Variants in STAG1 observed in about 807,000 individuals in gnomAD.
The protein encoded by STAG1 is STAG1 cohesin complex component, also known as cohesin subunit SA-1.
A neutral mutation model predicts 170.9 loss-of-function variants in STAG1; 26 were observed. The ratio of observed to expected loss-of-function variants is 0.15; its 90% CI spans 0.11 to 0.21. The LOEUF is 0.21. Ranked by LOEUF, STAG1 falls within the 10% of genes least tolerant of loss-of-function variation. The pLI is 1.00. For synonymous variants in STAG1, 514 were observed against 497.7 expected (o/e 1.03, Z -0.44); for missense variants, 964 against 1,509.5 (o/e 0.64, Z 5.99).
At chr3:136,644,935 G>A (rs1169968552) in intron 1 of STAG1, among the ~76,000 whole-genome samples, 2 of 151,922 alleles carry the variant, frequency 1.3e-5, no homozygotes, top group African/African-American at 2.4e-5. Flanking sequence ...TCGCCATATT[G>A]CCCAGGCTGG....
At chr3:136,532,032 G>A (rs1368200121) in intron 6 of STAG1, among the ~76,000 whole-genome samples, 1 of 149,582 alleles carries the variant, frequency 6.7e-6, no homozygotes, top group Non-Finnish European at 1.5e-5. Flanking sequence ...ATACAGATCA[G>A]ACCAAAAATA....
At chr3:136,459,257 A>G (rs1021523975) in intron 13 of STAG1, among the ~76,000 whole-genome samples, 1 of 151,952 alleles carries the variant, frequency 6.6e-6, no homozygotes, top group African/African-American at 2.4e-5. Flanking sequence ...GAAAAGAAAA[A>G]AAGACAAAGA....
intron 5 of STAG1, among the ~76,000 whole-genome samples, chr3:136,564,049 C>T (rs1482944909): frequency 6.6e-6 from 1 of 151,924 alleles, no homozygotes; most frequent in Non-Finnish European, 1.5e-5. Flanking sequence ...AAAATCCCTA[C>T]TTCCATTCAC....
At chr3:136,413,552 A>C (rs1243104402) in intron 21 of STAG1, among the ~76,000 whole-genome samples, 1 of 151,886 alleles carries the variant, frequency 6.6e-6, no homozygotes, top group Non-Finnish European at 1.5e-5. Context: ...TCTGCCTCCC[A>C]GGTGCAAGCG....
intron 16 of STAG1, 55 bp downstream of exon 16, chr3:136,433,501 G>A: frequency 7.8e-7 from 1 of 1,287,658 alleles, no homozygotes. Flanking sequence ...AAATATTTAA[G>A]ACAGTTAATT....
At chr3:136,374,713 T>C (rs796267662) in intron 23 of STAG1, among the ~76,000 whole-genome samples, 7 of 152,032 alleles carry the variant, frequency 4.6e-5, no homozygotes, top group African/African-American at 1.4e-4. Context: ...AATTAAAAAG[T>C]TTACAAAGAA....
chr3:136,657,580 G>A (rs557385093), intron 1 of STAG1, among the ~76,000 whole-genome samples: 15 of 152,150 alleles, frequency 9.9e-5, no homozygotes, highest in Non-Finnish European at 2.1e-4. Context: ...CAAACATTTT[G>A]GGAGGCTAAA....
chr3:136,613,700 T>C (rs542321028), intron 3 of STAG1, among the ~76,000 whole-genome samples: 299 of 152,284 alleles, frequency 2.0e-3, no homozygotes, highest in Non-Finnish European at 3.1e-3. Flanking sequence ...TTGGCCAGGC[T>C]GGTCTCGAAC....
At chr3:136,466,679 G>GC (rs1334275508) in intron 12 of STAG1, among the ~76,000 whole-genome samples, 7 of 152,192 alleles carry the variant, frequency 4.6e-5, no homozygotes, top group African/African-American at 1.7e-4. Flanking sequence ...CTCGAGAAGA[G>GC]CAACTCCAAG....
chr3:136,679,218 G>C (rs1362634180), intron 1 of STAG1, among the ~76,000 whole-genome samples: 2 of 152,126 alleles, frequency 1.3e-5, no homozygotes, highest in Non-Finnish European at 2.9e-5. Flanking sequence ...GCAACATCAA[G>C]TGAAACAAAA....
At chr3:136,598,127 C>T (rs1284324005) in intron 4 of STAG1, among the ~76,000 whole-genome samples, 1 of 152,088 alleles carries the variant, frequency 6.6e-6, no homozygotes, top group African/African-American at 2.4e-5. Context: ...CTCGGTATTC[C>T]TAAGATAAAA....
chr3:136,537,017 T>C (rs1172632783), intron 6 of STAG1, among the ~76,000 whole-genome samples: 1 of 152,242 alleles, frequency 6.6e-6, no homozygotes, highest in African/African-American at 2.4e-5. Flanking sequence ...AGTCATTGTA[T>C]ATTTTCTTTG....
intron 1 of STAG1, among the ~76,000 whole-genome samples, chr3:136,750,126 ATGTG>A (rs779736103): frequency 1.3e-5 from 2 of 152,216 alleles, no homozygotes; most frequent in Admixed American, 6.5e-5. Context: ...CAGCAATTAA[ATGTG>A]TGTTTTTCAC....
intron 9 of STAG1, chr3:136,499,685 A>G (rs1351407573): frequency 6.6e-6 from 1 of 152,356 alleles, no homozygotes; most frequent in African/African-American, 2.4e-5. Context: ...ATCATTAGCA[A>G]TGGAGGATAA....
At chr3:136,390,854 C>T (rs61789642) in intron 22 of STAG1, among the ~76,000 whole-genome samples, 13,582 of 152,236 alleles carry the variant, frequency 0.089, 785 homozygotes, top group Middle Eastern at 0.15. Context: ...GAAAGAGCTA[C>T]AGAAAGCAGC....
chr3:136,720,196 T>C (rs1056804105), intron 1 of STAG1, among the ~76,000 whole-genome samples: 1 of 143,848 alleles, frequency 7.0e-6, no homozygotes. Flanking sequence ...AAAAAAAAAA[T>C]CTTAAGTGAA....
intron 11 of STAG1, among the ~76,000 whole-genome samples, chr3:136,473,338 G>A (rs780120656): frequency 3.9e-5 from 6 of 152,052 alleles, no homozygotes; most frequent in South Asian, 2.1e-4. Flanking sequence ...GAATCATCCC[G>A]AAACCATCCC....
Position 136,551,428 on chromosome 3 carries a change from ATT to A in STAG1, c.395-9235_395-9234del, listed in dbSNP as rs57299539. Among the ~76,000 whole-genome samples the A allele has an allele frequency of 5.5e-4, 65 of 117,472 alleles. 1 individual carries two copies. Among genetic ancestry groups the A allele is most frequent in the African/African-American group, 1.2e-3 (37 of 29,808 alleles). The allele number at this position is 117,472 out of a possible 152,430, so 77.1% of individuals were successfully genotyped here. ...AGGCAGGCATCAATACATCTGGCTA[ATT>A]TTTTTTTTTTTTTGGCAGGGGGAAG... On this transcript the variant is annotated intron_variant, in intron 5 of 33. Transcript: ENST00000383202.
chr3:136,422,174 AT>A (rs201115616), intron 19 of STAG1, among the ~76,000 whole-genome samples: 9,615 of 140,198 alleles, frequency 0.069, 304 homozygotes, highest in Non-Finnish European at 0.086. Flanking sequence ...AAAAAAAAAA[AT>A]TTCTTGAAAG....
Sources: gnomAD v4.1 joint callset for allele counts (sites outside exome capture counted in the v4.1 genomes callset) on GRCh38, gnomAD v4.1.1 for gene constraint, MANE v1.5 for transcripts, NCBI Gene and HGNC (gene_info 2026-07-23, HGNC 2026-07-21) for gene names.